The following CACNA1S variants were observed in gnomAD, a reference collection of about 807,000 sequenced individuals.
The protein encoded by CACNA1S is voltage-dependent L-type calcium channel subunit alpha-1S.
A neutral mutation model predicts 207.4 loss-of-function variants in CACNA1S; 126 were observed. That is an observed-to-expected ratio of 0.61 (90% CI 0.53 to 0.70). The LOEUF (loss-of-function observed/expected upper bound fraction) is 0.70. Among genes scored for constraint, CACNA1S ranks in the 30% least tolerant of loss-of-function variants. The pLI is 0.00. For missense variants in CACNA1S, 2,349 were observed against 2,422.8 expected (o/e 0.97, Z 0.64); for synonymous variants, 960 against 932.7 (o/e 1.03, Z -0.53).
At chr1:201,069,890 G>A (rs1661390902) in intron 17 of CACNA1S, among the ~76,000 whole-genome samples, 1 of 152,118 alleles carries the variant, frequency 6.6e-6, no homozygotes, top group African/African-American at 2.4e-5. Context: ...ATGAAAATGG[G>A]ACAGGCTGGT....
intron 1 of CACNA1S, among the ~76,000 whole-genome samples, chr1:201,111,647 A>G (rs997085074): frequency 2.0e-5 from 3 of 151,922 alleles, no homozygotes; most frequent in Non-Finnish European, 2.9e-5. Context: ...ACCTCTGTCC[A>G]CTGTCACCCC....
At chr1:201,088,268 C>G (rs546542784) in intron 6 of CACNA1S, among the ~76,000 whole-genome samples, 1 of 152,104 alleles carries the variant, frequency 6.6e-6, no homozygotes, top group African/African-American at 2.4e-5. Flanking sequence ...TATTTAAAGC[C>G]AAGATTTTTC....
chr1:201,110,310 G>A, intron 1 of CACNA1S, 41 bp from the exon 2 acceptor site: 1 of 1,561,228 alleles, frequency 6.4e-7, no homozygotes, highest in East Asian at 2.2e-5. Context: ...TGAGGCAAGG[G>A]ACTTACAGGG....
At chr1:201,108,777 A>G (rs911897763) in intron 2 of CACNA1S, among the ~76,000 whole-genome samples, 1 of 152,182 alleles carries the variant, frequency 6.6e-6, no homozygotes, top group Non-Finnish European at 1.5e-5. Context: ...CCCTGGACAC[A>G]TGCAAATATG....
At chr1:201,110,129 G>C (rs1398579190) in intron 2 of CACNA1S, 35 bp downstream of exon 2, 5 of 1,585,928 alleles carry the variant, frequency 3.2e-6, no homozygotes, top group Non-Finnish European at 4.3e-6. Flanking sequence ...GGGGCTGCAG[G>C]CTCGCAGGAA....
chr1:201,051,668 C>A (rs1456034369), intron 32 of CACNA1S, among the ~76,000 whole-genome samples: 4 of 152,230 alleles, frequency 2.6e-5, no homozygotes, highest in African/African-American at 9.6e-5. Context: ...ACTGCTACAA[C>A]CTGCTCTGTA....
chr1:201,098,783 A>T (rs1662530925), intron 2 of CACNA1S, among the ~76,000 whole-genome samples: 1 of 152,168 alleles, frequency 6.6e-6, no homozygotes, highest in Non-Finnish European at 1.5e-5. Flanking sequence ...GAGGACAGTG[A>T]GCCCGTCCAA....
rs757750396 is a variant in CACNA1S at position 201,074,612 on chromosome 1, G to A, written c.1957C>T (p.Leu653Phe). The A allele has an allele frequency of 2.3e-5, 37 of 1,609,750 alleles. No individual in the cohort carries two copies. The highest frequency in any genetic ancestry group is 3.0e-5 in the Non-Finnish European group (35 of 1,176,400). The change falls in exon 14 of 44, where the codon CTC (leucine) becomes TTC (phenylalanine). Residue 653 changes from leucine to phenylalanine, a missense_variant. Physicochemically the swap from Leu to Phe is conservative, Grantham distance 22. Coordinates refer to ENST00000362061, the MANE Select transcript of CACNA1S (RefSeq NM_000069.3). ...ACGGCAATGGCCAGGAAGACATTGA[G>A]CAGGATGTCTGAGCGGGTTTAGCTA... ...ILFVCGNYILLNVFLAIAVDN... is the reference protein window; with the variant it reads ...ILFVCGNYILFNVFLAIAVDN...
intron 40 of CACNA1S, 43 bp from the exon 41 acceptor site, chr1:201,041,632 GCT>G (rs757698926): frequency 2.1e-6 from 3 of 1,429,970 alleles, no homozygotes; most frequent in South Asian, 2.3e-5. Context: ...AAGGCTGCTA[GCT>G]CTCTCGGCAT....
At position 201,061,214 on chromosome 1, in the gene CACNA1S, G is replaced by T. The variant is rs1028766524; in HGVS notation, c.3255+53C>A. The T allele has an allele frequency of 3.9e-6, 6 of 1,529,738 alleles. No individual in the cohort carries two copies. The African/African-American group carries it at 6.8e-5, about 17-fold the overall frequency. The allele number at this position is 1,529,738 out of a possible 1,614,324, so 94.8% of individuals were successfully genotyped here. A position where few individuals can be genotyped will look rare whatever the true frequency, so the allele number is the denominator to read the frequency against. On this transcript the variant is annotated intron_variant, in intron 25 of 43. Transcript: ENST00000362061. ...CTGGCTGAACCTAGGGCTTGGGCCA[G>T]CAGGAGGCCTGCTGGAGCTCTGCCC... is the stretch of plus-strand genomic sequence containing the variant.
chr1:201,050,857 G>T, intron 33 of CACNA1S, 127 bp downstream of exon 33: 2 of 1,030,978 alleles, frequency 1.9e-6, no homozygotes, highest in Non-Finnish European at 3.0e-6. Context: ...AACCTAACTA[G>T]AGCCTCCTGC....
At chr1:201,047,419 T>C (rs553314522) in intron 37 of CACNA1S, 106 bp downstream of exon 37, 1 of 1,241,746 alleles carries the variant, frequency 8.1e-7, no homozygotes, top group Admixed American at 1.9e-5. Context: ...AAGGCATTTA[T>C]GGAGGATCTG....
chr1:201,067,064 T>G lies in CACNA1S; in HGVS notation c.2551-71A>C, dbSNP rs1056505561. 52 of 985,728 alleles carry G rather than the reference T, an allele frequency of 5.3e-5. No individual in the cohort carries two copies. In the African/African-American group the frequency reaches 7.8e-4, roughly 15 times the overall value. 61.1% of individuals were successfully genotyped at this position (985,728 alleles called of 1,614,324 possible). On this transcript the variant is annotated intron_variant, in intron 19 of 43. Transcript: ENST00000362061. ...AGGCCTGTCTCCCACAGACAAGGGC[T>G]TCTCGCCTCTGCTCAGGAGAGCACT...
intron 7 of CACNA1S, 129 bp from the exon 8 acceptor site, chr1:201,085,710 G>C: frequency 9.6e-7 from 1 of 1,043,220 alleles, no homozygotes; most frequent in Non-Finnish European, 1.4e-6. Flanking sequence ...CCGGGGTGTT[G>C]CCTGGGGTCC....
At chr1:201,046,300 A>G (rs1387150471) in intron 38 of CACNA1S, among the ~76,000 whole-genome samples, 1 of 151,650 alleles carries the variant, frequency 6.6e-6, no homozygotes, top group African/African-American at 2.4e-5. Context: ...TCCCGCCTCA[A>G]CCTCCCAAAT....
Position 201,112,373 on chromosome 1 carries a change from C to T in CACNA1S, c.-34G>A, listed in dbSNP as rs1487061282. On this transcript the variant is annotated 5_prime_UTR_variant, in exon 1 of 44. Transcript: ENST00000362061. Reference sequence around the variant, plus strand: ...TGGGAATCTGGCTTTCTCCTGCTCCCCCACCCCAGTGCTTTCCCTTCCCTG... The same window carrying T: ...TGGGAATCTGGCTTTCTCCTGCTCCTCCACCCCAGTGCTTTCCCTTCCCTG... 6.2e-7 allele frequency: 1 copy of T among 1,613,524 alleles called. No homozygotes were observed. The highest frequency in any genetic ancestry group is 8.5e-7 in the Non-Finnish European group (1 of 1,179,952).
At chr1:201,080,739 T>TG (rs961062559) in intron 10 of CACNA1S, among the ~76,000 whole-genome samples, 75 of 152,054 alleles carry the variant, frequency 4.9e-4, no homozygotes, top group African/African-American at 1.8e-3. Flanking sequence ...GCAGTTTTTT[T>TG]TTGTTGTTGT....
chr1:201,075,677 A>AGT, intron 12 of CACNA1S, 62 bp from the exon 13 acceptor site: 1 of 1,559,632 alleles, frequency 6.4e-7, no homozygotes. Context: ...TTCTATTGGG[A>AGT]CCGCATTGAC....
chr1:201,047,786 G>A (rs1363414924), intron 36 of CACNA1S, among the ~76,000 whole-genome samples, 160 bp from the exon 37 acceptor site: 2 of 152,134 alleles, frequency 1.3e-5, no homozygotes, highest in African/African-American at 2.4e-5. Flanking sequence ...ATGGTGGGAG[G>A]GCATCACTGT....
Sources: allele counts gnomAD v4.1 joint callset (sites outside exome capture counted in the v4.1 genomes callset), GRCh38; gene constraint gnomAD v4.1.1; transcripts MANE v1.5; gene names NCBI Gene and HGNC (gene_info 2026-07-23, HGNC 2026-07-21).